The following FMN1 variants were observed in gnomAD, a reference collection of about 807,000 sequenced individuals.
The protein encoded by FMN1 is formin-1.
A neutral mutation model predicts 132.4 loss-of-function variants in FMN1; 110 were observed. The observed-to-expected ratio is 0.83, with a 90% CI of 0.71 to 0.97. The LOEUF (loss-of-function observed/expected upper bound fraction) is 0.97, where lower values mean the gene tolerates loss of function less well. Among genes scored for constraint, FMN1 ranks in the 50% least tolerant of loss-of-function variants. FMN1 has a pLI of 0.00. For synonymous variants in FMN1, 722 were observed against 651.7 expected (o/e 1.11, Z -1.64); for missense variants, 1,792 against 1,705.3 (o/e 1.05, Z -0.90).
chr15:32,942,663 A>G (rs1338891220), intron 9 of FMN1, among the ~76,000 whole-genome samples: 1 of 152,202 alleles, frequency 6.6e-6, no homozygotes, highest in Admixed American at 6.5e-5. Context: ...TCATACCTAT[A>G]CCAGATCGAG....
chr15:32,820,459 C>T (rs141807037), intron 17 of FMN1, among the ~76,000 whole-genome samples: 27 of 152,230 alleles, frequency 1.8e-4, no homozygotes, highest in African/African-American at 6.3e-4. Flanking sequence ...AAATATAAAA[C>T]ATTACAGATA....
chr15:33,119,583 C>A (rs1962358483), intron 4 of FMN1, among the ~76,000 whole-genome samples: 1 of 152,176 alleles, frequency 6.6e-6, no homozygotes, highest in Non-Finnish European at 1.5e-5. Flanking sequence ...TGTAAAAAAC[C>A]AGCACTATTC....
At chr15:32,980,980 C>A (rs1368424838) in intron 7 of FMN1, among the ~76,000 whole-genome samples, 1 of 152,156 alleles carries the variant, frequency 6.6e-6, no homozygotes, top group Non-Finnish European at 1.5e-5. Context: ...TGCCACTGCA[C>A]CCCAGCCTGG....
intron 4 of FMN1, among the ~76,000 whole-genome samples, chr15:33,122,279 T>C (rs1454986): frequency 0.36 from 54,714 of 152,156 alleles, 10,897 homozygotes; most frequent in Non-Finnish European, 0.43. Context: ...GTGTTTCTAC[T>C]CCGTAAAACG....
intron 6 of FMN1, among the ~76,000 whole-genome samples, chr15:33,061,523 G>A (rs1017519014): frequency 3.3e-5 from 5 of 151,812 alleles, no homozygotes; most frequent in African/African-American, 9.7e-5. Flanking sequence ...CACGCTCCTC[G>A]TGAAGTTACT....
rs142945194 is a variant in FMN1, at chr15:33,020,762, C to T, written c.2162-12687G>A. 2.4e-3 allele frequency among the ~76,000 whole-genome samples: 362 copies of T among 152,274 alleles called. 2 individuals carry two copies. Among genetic ancestry groups the T allele is most frequent in the African/African-American group, 8.4e-3 (351 of 41,550 alleles). On this transcript the variant is annotated intron_variant, in intron 6 of 20. Coordinates refer to ENST00000616417, the MANE Select transcript of FMN1 (RefSeq NM_001277313.2). ...TAAAAGAAACAGCACACATTTCCAA[C>T]CTTAAAAGGCTTTCAGGATGTGCAT...
rs1298002840 is a variant in FMN1 at position 32,771,968 on chromosome 15, GAAT to G, written c.*2339_*2341del. The G allele has an allele frequency of 6.6e-6, 1 of 152,138 alleles. No homozygotes were observed. The highest frequency in any genetic ancestry group is 1.5e-5 in the Non-Finnish European group (1 of 68,040). The allele number at this position is 152,138 out of a possible 1,614,324, so 9.4% of individuals were successfully genotyped here. A position where few individuals can be genotyped will look rare whatever the true frequency, so the allele number is the denominator to read the frequency against. ...ATGATGCAGGGTTCAGAATAGGTGA[GAAT>G]AATGAAGATTCTGCCATGGTGTCTT... On this transcript the variant is annotated 3_prime_UTR_variant, in exon 21 of 21. Coordinates refer to ENST00000616417, the MANE Select transcript of FMN1 (RefSeq NM_001277313.2).
chr15:32,979,294 A>G (rs2032452932), intron 7 of FMN1, among the ~76,000 whole-genome samples: 1 of 152,114 alleles, frequency 6.6e-6, no homozygotes, highest in South Asian at 2.1e-4. Context: ...GGTGGTTCAC[A>G]CCTGTAATCC....
At chr15:32,946,214 C>G (rs1314177058) in intron 9 of FMN1, among the ~76,000 whole-genome samples, 2 of 152,206 alleles carry the variant, frequency 1.3e-5, no homozygotes, top group Non-Finnish European at 1.5e-5. Context: ...TTCTTACTCT[C>G]ATAGCACAGC....
chr15:32,857,155 G>C, intron 16 of FMN1, 48 bp from the exon 17 acceptor site: 1 of 1,446,390 alleles, frequency 6.9e-7, no homozygotes, highest in Non-Finnish European at 9.7e-7. Context: ...GATTTGCTGA[G>C]CTCCTGCTAT....
intron 17 of FMN1, among the ~76,000 whole-genome samples, chr15:32,844,766 T>C (rs960744484): frequency 5.3e-5 from 8 of 152,218 alleles, no homozygotes; most frequent in South Asian, 2.1e-4. Context: ...ATTCGCACCA[T>C]TGGGTAAGTA....
Position 33,000,746 on chromosome 15 carries a change from G to A in FMN1, c.2223+7268C>T, listed in dbSNP as rs143671024. Among the ~76,000 whole-genome samples, 256 of 152,290 alleles carry A rather than the reference G, an allele frequency of 1.7e-3. 1 individual carries two copies. The highest frequency in any genetic ancestry group is 5.9e-3 in the African/African-American group (245 of 41,554). On this transcript the variant is annotated intron_variant, in intron 7 of 20. Transcript: ENST00000616417. Reference sequence around the variant, plus strand: ...AACAATGGGTTTCTTGAAGAAAAAGGATTATGTTGGAAATAAGCTATACAG... The same window carrying A: ...AACAATGGGTTTCTTGAAGAAAAAGAATTATGTTGGAAATAAGCTATACAG...
At chr15:33,110,779 C>G (rs538743920) in intron 4 of FMN1, among the ~76,000 whole-genome samples, 1 of 150,162 alleles carries the variant, frequency 6.7e-6, no homozygotes, top group Non-Finnish European at 1.5e-5. Flanking sequence ...ATTCCTTTAG[C>G]CATTTTCTCT....
intron 9 of FMN1, among the ~76,000 whole-genome samples, chr15:32,951,067 A>G (rs549418159): frequency 2.0e-5 from 3 of 152,274 alleles, no homozygotes; most frequent in African/African-American, 7.2e-5. Context: ...ACTGTATGAA[A>G]GTTAATGCAG....
chr15:32,963,503 TAAG>T (rs943412170), intron 9 of FMN1, among the ~76,000 whole-genome samples: 90 of 148,886 alleles, frequency 6.0e-4, no homozygotes, highest in African/African-American at 2.1e-3. Flanking sequence ...AATAAATAAA[TAAG>T]AAGAAGAAAA....
intron 2 of FMN1, among the ~76,000 whole-genome samples, chr15:33,185,516 G>T (rs1270407417): frequency 6.7e-6 from 1 of 148,406 alleles, no homozygotes; most frequent in African/African-American, 2.5e-5. Flanking sequence ...ACTTTTTAGA[G>T]AAGTCTTATT....
intron 12 of FMN1, among the ~76,000 whole-genome samples, chr15:32,907,383 A>C (rs545786163): frequency 9.9e-5 from 15 of 152,178 alleles, no homozygotes; most frequent in African/African-American, 3.6e-4. Flanking sequence ...TCACATGCGC[A>C]GTTCACAATA....
At chr15:32,788,667 T>G (rs1035250959) in intron 19 of FMN1, among the ~76,000 whole-genome samples, 5 of 152,150 alleles carry the variant, frequency 3.3e-5, no homozygotes, top group East Asian at 3.8e-4. Context: ...TTTAGAAATA[T>G]TCTAGGCTGA....
At chr15:32,890,684 T>TA (rs1255592162) in intron 15 of FMN1, among the ~76,000 whole-genome samples, 1 of 152,238 alleles carries the variant, frequency 6.6e-6, no homozygotes, top group East Asian at 1.9e-4. Flanking sequence ...GTATAGATTG[T>TA]AAAGATTTTC....
Sources: allele counts gnomAD v4.1 joint callset (sites outside exome capture counted in the v4.1 genomes callset), GRCh38; gene constraint gnomAD v4.1.1; transcripts MANE v1.5; gene names NCBI Gene and HGNC (gene_info 2026-07-23, HGNC 2026-07-21).